Variants in IL2RB observed in about 807,000 individuals in gnomAD.
The protein encoded by IL2RB is interleukin-2 receptor subunit beta.
A neutral mutation model predicts 44.2 loss-of-function variants in IL2RB; 17 were observed. That is an observed-to-expected ratio of 0.38 (90% CI 0.26 to 0.58). The LOEUF is 0.58. Among genes scored for constraint, IL2RB ranks in the 20% least tolerant of loss-of-function variants. The probability of loss-of-function intolerance (pLI) is 0.63; values close to 1 mark genes in which losing one functional copy is unlikely to be tolerated. For missense variants in IL2RB, 624 were observed against 685.5 expected, an observed-to-expected ratio of 0.91 and a Z score of 1.00; for synonymous variants, 286 against 297.9, an observed-to-expected ratio of 0.96 and a Z score of 0.41.
rs771362307 is a variant in IL2RB, at chr22:37,135,250, GTGTGTGTGCA to G, written c.818+68_818+77del. 5,913 of 897,826 alleles carry G rather than the reference GTGTGTGTGCA, an allele frequency of 6.6e-3. 46 individuals are homozygous for G. Among genetic ancestry groups the G allele is most frequent in the African/African-American group, 0.02 (1,208 of 61,284 alleles). 55.6% of individuals were successfully genotyped at this position (897,826 alleles called of 1,614,324 possible). A position where few individuals can be genotyped will look rare whatever the true frequency, so the allele number is the denominator to read the frequency against. ...TGTGTGTGTATGTGTGCTTGTGTGC[GTGTGTGTGCA>G]TGTGTGTGCATGTGTGTGCACGTTG... is the stretch of plus-strand genomic sequence containing the variant. On this transcript the variant is annotated intron_variant, in intron 8 of 9. Coordinates refer to ENST00000216223, the MANE Select transcript of IL2RB (RefSeq NM_000878.5).
At chr22:37,156,306 A>G (rs1427841616) in intron 1 of IL2RB, among the ~76,000 whole-genome samples, 2 of 152,224 alleles carry the variant, frequency 1.3e-5, no homozygotes, top group Non-Finnish European at 2.9e-5. Flanking sequence ...TCCACTGTAC[A>G]ACAGTGTCCC....
exon 1 of IL2RB, chr22:37,175,001 G>T (rs373444823): frequency 6.6e-6 from 1 of 152,422 alleles, no homozygotes; most frequent in Non-Finnish European, 1.5e-5. Context: ...TACAATCGTG[G>T]TGGAAGGCGA....
chr22:37,133,299 C>T (rs1397388388), intron 8 of IL2RB, among the ~76,000 whole-genome samples: 6 of 152,016 alleles, frequency 3.9e-5, no homozygotes, highest in South Asian at 4.1e-4. Context: ...GAGCTGTGGG[C>T]GGAGGGGACG....
chr22:37,128,579 G>T lies in IL2RB; in HGVS notation c.1173C>A (p.Asp391Glu), dbSNP rs228942. 0.18 allele frequency: 285,353 copies of T among 1,613,818 alleles called. 26,470 individuals are homozygous for T. The highest frequency in any genetic ancestry group is 0.28 in the Admixed American group (16,809 of 60,020). Residue 391 changes from aspartate (D) to glutamate (E), a missense_variant, in exon 10 of 10, where the codon GAC becomes GAA. Coordinates refer to ENST00000216223, the MANE Select transcript of IL2RB (RefSeq NM_000878.5). The surrounding 1 kb of genome is among the most constrained non-coding windows in gnomAD (Gnocchi z 4.5). Reference sequence around the variant, plus strand: ...GTGCCCCGGCCACACCCTCATCAGGGTCTTCCTCTGAGTAGGGGTCGTAAG... The same window carrying T: ...GTGCCCCGGCCACACCCTCATCAGGTTCTTCCTCTGAGTAGGGGTCGTAAG... Reference protein sequence around the residue: ...YFTYDPYSEEDPDEGVAGAPT... With the variant: ...YFTYDPYSEEEPDEGVAGAPT...
chr22:37,173,754 G>A (rs999689581), intron 1 of IL2RB, among the ~76,000 whole-genome samples: 5 of 152,124 alleles, frequency 3.3e-5, no homozygotes, highest in Non-Finnish European at 7.3e-5. Context: ...ACTGCCAGGG[G>A]GGGTTGGGGA....
At chr22:37,147,838 C>T (rs1388162384) in intron 1 of IL2RB, among the ~76,000 whole-genome samples, 1 of 152,230 alleles carries the variant, frequency 6.6e-6, no homozygotes, top group African/African-American at 2.4e-5. Context: ...TTCTTGGGAT[C>T]CCCCAATAGC....
At chr22:37,167,365 G>A (rs77383486) in intron 1 of IL2RB, among the ~76,000 whole-genome samples, 29,406 of 152,124 alleles carry the variant, frequency 0.19, 3,066 homozygotes, top group East Asian at 0.33. Context: ...TGCCTCCTGA[G>A]TCCCTCCCTG....
At chr22:37,137,385 C>G (rs974589686) in intron 6 of IL2RB, among the ~76,000 whole-genome samples, 7 of 152,214 alleles carry the variant, frequency 4.6e-5, no homozygotes, top group African/African-American at 1.4e-4. Context: ...CTGCTGCCAG[C>G]TGGATCCCCA....
At position 37,128,153 on chromosome 22, in the gene IL2RB, A is replaced by G; in HGVS notation, c.1599T>C (p.Thr533=). 1.3e-6 allele frequency: 2 copies of G among 1,580,436 alleles called. No homozygotes were observed. The highest frequency in any genetic ancestry group is 1.2e-5 in the South Asian group (1 of 85,388). The change falls in exon 10 of 10, where the codon ACT becomes ACC. Residue 533 remains threonine, a synonymous_variant. Transcript: ENST00000216223. The surrounding 1 kb of genome is among the most constrained non-coding windows in gnomAD (Gnocchi z 4.5). ...GTTCTTGGAGGGACAAGTAGGCATC[A>G]GTGTTCAGGGGCAGGCGAGCATTAA... ...RALNARLPLN[T]DAYLSLQELQ...
chr22:37,168,804 C>T (rs891819174), intron 1 of IL2RB, among the ~76,000 whole-genome samples: 2 of 152,220 alleles, frequency 1.3e-5, no homozygotes, highest in African/African-American at 4.8e-5. Context: ...CAATTATCAC[C>T]AGAGCCTAAT....
chr22:37,173,346 G>A (rs1923350731), intron 1 of IL2RB, among the ~76,000 whole-genome samples: 1 of 152,144 alleles, frequency 6.6e-6, no homozygotes, highest in Non-Finnish European at 1.5e-5. Flanking sequence ...GGGACCATGT[G>A]GGGTTTTGGC....
chr22:37,168,271 CT>C (rs1414077667), intron 1 of IL2RB, among the ~76,000 whole-genome samples: 1 of 152,204 alleles, frequency 6.6e-6, no homozygotes, highest in Non-Finnish European at 1.5e-5. Context: ...GCAGTTTTGT[CT>C]TTAGAAAATG....
intron 1 of IL2RB, among the ~76,000 whole-genome samples, chr22:37,170,029 T>C (rs899332495): frequency 6.9e-6 from 1 of 145,938 alleles, no homozygotes; most frequent in Non-Finnish European, 1.5e-5. Flanking sequence ...GAGGGAATGA[T>C]GGAGGGAGAG....
At position 37,134,209 on chromosome 22, in the gene IL2RB, T is replaced by C. The variant is rs776657793; in HGVS notation, c.818+1119A>G. Among the ~76,000 whole-genome samples the C allele has an allele frequency of 2.0e-5, 3 of 152,316 alleles. No homozygotes were observed. The South Asian group carries it at 6.2e-4, about 32-fold the overall frequency. ...AAATACAGCATAACAACTATTTACA[T>C]AGCATTTACATGGTATTAGGTATTA... On this transcript the variant is annotated intron_variant, in intron 8 of 9. Coordinates refer to ENST00000216223, the MANE Select transcript of IL2RB (RefSeq NM_000878.5).
chr22:37,156,665 A>G (rs1922690359), intron 1 of IL2RB, among the ~76,000 whole-genome samples: 3 of 152,230 alleles, frequency 2.0e-5, no homozygotes, highest in Non-Finnish European at 4.4e-5. Context: ...CTTCTAATGT[A>G]CATCCCATTG....
At chr22:37,139,031 A>G in intron 5 of IL2RB, 86 bp downstream of exon 5, 1 of 855,700 alleles carries the variant, frequency 1.2e-6, no homozygotes, top group Non-Finnish European at 1.9e-6. Flanking sequence ...CCGGGGAGAA[A>G]GGCTGGAGCA....
At chr22:37,154,883 T>G (rs1169585450), upstream of IL2RB, among the ~76,000 whole-genome samples, 1 of 152,094 alleles carries the variant, frequency 6.6e-6, no homozygotes, top group Non-Finnish European at 1.5e-5. Context: ...CATCCCTCTA[T>G]CTCTTTCTCT....
In IL2RB at chr22:37,136,395, T is replaced by G. The variant is rs1469744462; in HGVS notation, c.538-2A>C. The G allele has an allele frequency of 6.2e-7, 1 of 1,606,786 alleles. No individual in the cohort carries two copies. On this transcript the variant is annotated splice_acceptor_variant, in intron 6 of 9. Coordinates refer to ENST00000216223, the MANE Select transcript of IL2RB (RefSeq NM_000878.5). LOFTEE classifies it high-confidence loss of function. ...CTTGAGAGTCAGCAGGGGGGCCTCC[T>G]GGGTCGGAGACAGGACTGTCAGCGC...
At chr22:37,145,153 A>G (rs919959552) in intron 1 of IL2RB, among the ~76,000 whole-genome samples, 1 of 152,224 alleles carries the variant, frequency 6.6e-6, no homozygotes, top group African/African-American at 2.4e-5. Flanking sequence ...AGAAAAGCAG[A>G]TAGGAGCTCT....
Sources: gnomAD v4.1 joint callset for allele counts (sites outside exome capture counted in the v4.1 genomes callset) on GRCh38, gnomAD v4.1.1 for gene constraint, Gnocchi (gnomAD v3.1) non-coding constraint, MANE v1.5 for transcripts, NCBI Gene and HGNC (gene_info 2026-07-23, HGNC 2026-07-21) for gene names.